Variants in MGAT4C observed in about 807,000 individuals in gnomAD.
MGAT4C encodes alpha-1,3-mannosyl-glycoprotein 4-beta-N-acetylglucosaminyltransferase C.
A neutral mutation model predicts 40.1 loss-of-function variants in MGAT4C; 19 were observed. The ratio of observed to expected loss-of-function variants is 0.47; its 90% CI spans 0.33 to 0.70. The LOEUF is 0.70. MGAT4C is among the 30% of genes least tolerant of loss of function. MGAT4C has a pLI of 0.02. For missense variants in MGAT4C, 491 were observed against 563.2 expected, an observed-to-expected ratio of 0.87 and a Z score of 1.30; for synonymous variants, 181 against 187.1, an observed-to-expected ratio of 0.97 and a Z score of 0.27.
At chr12:86,021,890 A>G (rs1433883411) in intron 2 of MGAT4C, among the ~76,000 whole-genome samples, 2 of 152,214 alleles carry the variant, frequency 1.3e-5, no homozygotes, top group Non-Finnish European at 2.9e-5. Context: ...TTCATACAGT[A>G]ATAGATCAGG....
At chr12:86,365,377 T>C (rs188899358) in intron 3 of MGAT4C, among the ~76,000 whole-genome samples, 4 of 152,254 alleles carry the variant, frequency 2.6e-5, no homozygotes, top group Admixed American at 6.5e-5. Flanking sequence ...GTGCAGTTAA[T>C]GCAATCATCA....
At chr12:86,060,256 T>C (rs1043677601) in intron 1 of MGAT4C, among the ~76,000 whole-genome samples, 1 of 152,200 alleles carries the variant, frequency 6.6e-6, no homozygotes. Context: ...GTTTTTCAAT[T>C]ATAGAATTTT....
intron 2 of MGAT4C, among the ~76,000 whole-genome samples, chr12:86,700,604 G>A (rs764981182): frequency 4.8e-4 from 73 of 151,870 alleles, no homozygotes; most frequent in Non-Finnish European, 9.0e-4. Context: ...TATTATAGTG[G>A]GTGCATATAG....
intron 2 of MGAT4C, among the ~76,000 whole-genome samples, chr12:86,637,334 T>C (rs1246229187): frequency 6.6e-6 from 1 of 152,020 alleles, no homozygotes; most frequent in Non-Finnish European, 1.5e-5. Context: ...TTTCACAACT[T>C]TTTAAAATTT....
chr12:86,054,172 C>T lies in MGAT4C; in HGVS notation c.-56-4449G>A, dbSNP rs202201030. 4.6e-5 allele frequency among the ~76,000 whole-genome samples: 7 copies of T among 152,040 alleles called. No homozygotes were observed. In the East Asian group the frequency reaches 1.4e-3, roughly 29 times the overall value. ...TTTATTGCAGCACTCTTCATAATAG[C>T]CAAGATATGGAGTCAACCCAAGTGT... On this transcript the variant is annotated intron_variant, in intron 1 of 4. Transcript: ENST00000611864.
intron 1 of MGAT4C, among the ~76,000 whole-genome samples, chr12:86,817,628 A>C (rs1478779255): frequency 6.6e-6 from 1 of 151,570 alleles, no homozygotes; most frequent in Non-Finnish European, 1.5e-5. Flanking sequence ...ATAAGCATTA[A>C]AGTTCAGAAT....
intron 2 of MGAT4C, among the ~76,000 whole-genome samples, chr12:85,994,715 A>G (rs1019843103): frequency 6.6e-6 from 1 of 152,096 alleles, no homozygotes; most frequent in African/African-American, 2.4e-5. Context: ...GGAAAACAAA[A>G]TAGCTGATTT....
rs927654602 is a variant in MGAT4C, at chr12:85,967,290, A to G, written c.*11999T>C. 5.9e-5 allele frequency: 9 copies of G among 152,138 alleles called. No homozygotes were observed. The highest frequency in any genetic ancestry group is 1.0e-4 in the Non-Finnish European group (7 of 68,018). 9.4% of individuals were successfully genotyped at this position (152,138 alleles called of 1,614,324 possible). A position where few individuals can be genotyped will look rare whatever the true frequency, so the allele number is the denominator to read the frequency against. ...TGATGTTTGCCTAAGAACAAGTTTCATTTCATCTCATGAAAAAAATGTTAC... is the reference window on the plus strand; with the variant it reads ...TGATGTTTGCCTAAGAACAAGTTTCGTTTCATCTCATGAAAAAAATGTTAC... On this transcript the variant is annotated 3_prime_UTR_variant, in exon 5 of 5. Transcript: ENST00000611864.
intron 1 of MGAT4C, among the ~76,000 whole-genome samples, chr12:86,138,679 TATATATATTTCC>T (rs1209333371): frequency 6.8e-6 from 1 of 147,276 alleles, no homozygotes; most frequent in African/African-American, 2.5e-5. Context: ...TATATTTCCA[TATATATATTTCC>T]ATATATATCC....
Position 86,296,636 on chromosome 12 carries a change from G to A in MGAT4C, c.-57+37429C>T, listed in dbSNP as rs995887273. ...GGGTCCCAGTACACCCTCCGCAGCC[G>A]CTGGCCCGGGTGCTAAGCCCCTCAC... On this transcript the variant is annotated intron_variant, in intron 4 of 7. Transcript: ENST00000548651. Among the ~76,000 whole-genome samples the A allele has an allele frequency of 8.6e-4, 131 of 152,204 alleles. 1 individual carries two copies. The highest frequency in any genetic ancestry group is 2.6e-4 in the Admixed American group (4 of 15,292).
At chr12:86,116,141 A>G (rs1466161031) in intron 1 of MGAT4C, among the ~76,000 whole-genome samples, 1 of 151,908 alleles carries the variant, frequency 6.6e-6, no homozygotes, top group Non-Finnish European at 1.5e-5. Context: ...ATGACAGATA[A>G]TGCAATTGAA....
chr12:86,073,373 A>G (rs756462418), intron 1 of MGAT4C, among the ~76,000 whole-genome samples: 1 of 152,132 alleles, frequency 6.6e-6, no homozygotes, highest in South Asian at 2.1e-4. Flanking sequence ...GTAAATTGAT[A>G]CCATAGATTG....
intron 1 of MGAT4C, among the ~76,000 whole-genome samples, chr12:86,798,062 G>T (rs562738738): frequency 6.6e-6 from 1 of 151,844 alleles, no homozygotes; most frequent in South Asian, 2.1e-4. Flanking sequence ...TTGCTGTCAA[G>T]GTGTATATCA....
rs182511753 is a variant in MGAT4C at position 86,737,121 on chromosome 12, T to G, written c.-261-9880A>C. Reference sequence around the variant, plus strand: ...CTTCTATCAATAAAGTAAAACTCATTGAAATGGCTGCTTCGCTTGATTCCT... The same window carrying G: ...CTTCTATCAATAAAGTAAAACTCATGGAAATGGCTGCTTCGCTTGATTCCT... On this transcript the variant is annotated intron_variant, in intron 1 of 7. Transcript: ENST00000548651. 9.2e-5 allele frequency among the ~76,000 whole-genome samples: 14 copies of G among 151,736 alleles called. No individual in the cohort carries two copies. The East Asian group carries it at 1.6e-3, about 17-fold the overall frequency.
chr12:86,773,636 C>A (rs1762871510), intron 1 of MGAT4C, among the ~76,000 whole-genome samples: 1 of 152,012 alleles, frequency 6.6e-6, no homozygotes, highest in Admixed American at 6.6e-5. Context: ...ATAGCTACCA[C>A]AAGGCATATA....
chr12:86,640,252 C>A (rs1255630338), intron 2 of MGAT4C, among the ~76,000 whole-genome samples: 1 of 151,792 alleles, frequency 6.6e-6, no homozygotes, highest in Non-Finnish European at 1.5e-5. Context: ...ATAACCACTA[C>A]TGTATTCACT....
chr12:85,995,412 T>C (rs1199035903), intron 2 of MGAT4C, among the ~76,000 whole-genome samples: 1 of 152,148 alleles, frequency 6.6e-6, no homozygotes, highest in East Asian at 1.9e-4. Context: ...ATGTGTGTCA[T>C]GAAACTTCAT....
intron 2 of MGAT4C, among the ~76,000 whole-genome samples, chr12:86,030,250 A>C (rs983067735): frequency 6.6e-6 from 1 of 151,800 alleles, no homozygotes; most frequent in East Asian, 1.9e-4. Context: ...ACTGGTTAAA[A>C]AAATTTATGT....
At chr12:86,649,274 T>C (rs1030509463) in intron 2 of MGAT4C, among the ~76,000 whole-genome samples, 3 of 151,784 alleles carry the variant, frequency 2.0e-5, no homozygotes, top group Non-Finnish European at 2.9e-5. Context: ...TTTGTACCCA[T>C]TGAAATGATC....
Sources: gnomAD v4.1 joint callset for allele counts (sites outside exome capture counted in the v4.1 genomes callset) on GRCh38, gnomAD v4.1.1 for gene constraint, MANE v1.5 for transcripts, NCBI Gene and HGNC (gene_info 2026-07-23, HGNC 2026-07-21) for gene names.